The following ADIG variants were observed in gnomAD, a reference collection of about 807,000 sequenced individuals.
ADIG encodes the protein adipogenin.
In ADIG, 12 loss-of-function variants were observed where a neutral mutation model predicts 10.7. The ratio of observed to expected loss-of-function variants is 1.12; its 90% CI spans 0.72 to 1.82. The LOEUF (loss-of-function observed/expected upper bound fraction) is 1.82. Among genes scored for constraint, ADIG ranks in the 40% most tolerant of loss-of-function variants. The probability of loss-of-function intolerance (pLI) is 0.00; values close to 1 mark genes in which losing one functional copy is unlikely to be tolerated. For synonymous variants in ADIG, 32 were observed against 35.6 expected (o/e 0.90, Z 0.36); for missense variants, 72 against 92.5 (o/e 0.78, Z 0.91).
chr20:38,588,030 G>A (rs894689781), intron 2 of ADIG, 71 bp from the exon 3 acceptor site: 85 of 1,232,748 alleles, frequency 6.9e-5, no homozygotes, highest in Admixed American at 9.0e-5. Context: ...GAACCACCAC[G>A]TCTGGCCTTA....
At chr20:38,584,384 G>A (rs1391784044) in intron 1 of ADIG, among the ~76,000 whole-genome samples, 1 of 152,204 alleles carries the variant, frequency 6.6e-6, no homozygotes, top group Non-Finnish European at 1.5e-5. Context: ...TTTTCCTTTT[G>A]CGATTTGAAA....
chr20:38,588,149 G>A lies in ADIG; in HGVS notation c.*63G>A. ...GGCAGTGGCAATGGCAGAAGTGGAT[G>A]GGAGAGACTTGCCAGGGAGGCAAGA... On this transcript the variant is annotated 3_prime_UTR_variant, in exon 3 of 3. Transcript: ENST00000537425. 7.7e-7 allele frequency: 1 copy of A among 1,304,988 alleles called. No homozygotes were observed. The highest frequency in any genetic ancestry group is 1.0e-6 in the Non-Finnish European group (1 of 988,896). The allele number at this position is 1,304,988 out of a possible 1,614,324, so 80.8% of individuals were successfully genotyped here.
chr20:38,587,310 T>C (rs1445680120), intron 2 of ADIG, among the ~76,000 whole-genome samples: 1 of 152,294 alleles, frequency 6.6e-6, no homozygotes, highest in East Asian at 1.9e-4. Context: ...CCCCCGACCC[T>C]GTCTGAGTGG....
Position 38,588,369 on chromosome 20 carries a change from C to G in ADIG, c.*283C>G. 7.7e-7 allele frequency: 1 copy of G among 1,294,508 alleles called. No homozygotes were observed. The allele number at this position is 1,294,508 out of a possible 1,614,324, so 80.2% of individuals were successfully genotyped here. ...TGGGGAGAAATTGGCCAATTTAATT[C>G]AGAGGGGTCTTAAAGCAGGGCTGGG... is the stretch of plus-strand genomic sequence containing the variant. On this transcript the variant is annotated 3_prime_UTR_variant, in exon 3 of 3. Coordinates refer to ENST00000537425, the MANE Select transcript of ADIG (RefSeq NM_001393816.1).
intron 1 of ADIG, among the ~76,000 whole-genome samples, chr20:38,584,622 A>G (rs1460096964): frequency 6.6e-6 from 1 of 152,232 alleles, no homozygotes; most frequent in African/African-American, 2.4e-5. Context: ...AAGTGATTTC[A>G]CCATCCTCAT....
At chr20:38,581,787 C>T (rs933751401) in intron 1 of ADIG, among the ~76,000 whole-genome samples, 2 of 152,228 alleles carry the variant, frequency 1.3e-5, no homozygotes, top group Admixed American at 6.5e-5. Flanking sequence ...CAGCCCCGCT[C>T]ACCCTCTCAA....
intron 1 of ADIG, chr20:38,585,551 C>A (rs1043967201): frequency 1.3e-6 from 2 of 1,548,076 alleles, no homozygotes; most frequent in African/African-American, 2.7e-5. Context: ...AGCTTAGTCA[C>A]CCAGATCTCT....
chr20:38,583,519 G>A (rs2088606905), intron 1 of ADIG, among the ~76,000 whole-genome samples: 1 of 152,216 alleles, frequency 6.6e-6, no homozygotes, highest in South Asian at 2.1e-4. Context: ...CACACAGTAC[G>A]CATACACACC....
chr20:38,582,654 T>C (rs1338587500), intron 1 of ADIG, among the ~76,000 whole-genome samples: 1 of 152,182 alleles, frequency 6.6e-6, no homozygotes, highest in Admixed American at 6.5e-5. Context: ...TTATTTAAAG[T>C]ATATTCTCCT....
At chr20:38,586,555 C>T (rs2088638866) in intron 2 of ADIG, among the ~76,000 whole-genome samples, 2 of 152,214 alleles carry the variant, frequency 1.3e-5, no homozygotes, top group South Asian at 2.1e-4. Flanking sequence ...GATATTGAAG[C>T]CCCCACCCTA....
In ADIG at chr20:38,588,265, C is replaced by T; in HGVS notation, c.*179C>T. On this transcript the variant is annotated 3_prime_UTR_variant, in exon 3 of 3. Coordinates refer to ENST00000537425, the MANE Select transcript of ADIG (RefSeq NM_001393816.1). ...AAAGCCTCCAGAGGTCCCAGCCCTT[C>T]TCCAGCATCACAGATGACCTCCAGC... is the stretch of plus-strand genomic sequence containing the variant. The T allele has an allele frequency of 7.7e-7, 1 of 1,304,332 alleles. No individual in the cohort carries two copies. Among genetic ancestry groups the T allele is most frequent in the Non-Finnish European group, 1.0e-6 (1 of 988,960 alleles). 80.8% of individuals were successfully genotyped at this position (1,304,332 alleles called of 1,614,324 possible). A position where few individuals can be genotyped will look rare whatever the true frequency, so the allele number is the denominator to read the frequency against.
At chr20:38,585,413 A>G in intron 1 of ADIG, 1 of 1,549,240 alleles carries the variant, frequency 6.5e-7, no homozygotes, top group Non-Finnish European at 8.7e-7. Context: ...TTTCTTTTTA[A>G]TTTGCTTATA....
At chr20:38,587,755 T>C (rs1426728845) in intron 2 of ADIG, among the ~76,000 whole-genome samples, 1 of 123,398 alleles carries the variant, frequency 8.1e-6, no homozygotes, top group African/African-American at 2.7e-5. Flanking sequence ...TTTTTTTTTT[T>C]GAGACGGAGT....
intron 1 of ADIG, 38 bp from the exon 2 acceptor site, chr20:38,585,991 T>A (rs772702471): frequency 6.4e-7 from 1 of 1,557,344 alleles, no homozygotes; most frequent in Non-Finnish European, 8.7e-7. Context: ...GGAGACAGGA[T>A]GTGACCATCC....
chr20:38,581,295 T>C lies in ADIG; in HGVS notation c.45T>C (p.Ser15=), dbSNP rs1417338650. Residue 15 remains serine, a synonymous_variant, in exon 1 of 3, where the codon TCT becomes TCC. Coordinates refer to ENST00000537425, the MANE Select transcript of ADIG (RefSeq NM_001393816.1). ...CGCTGGTGAACGACCTCACATTTTCTTTCCTGGTTTTCTGGTTCTGCCTCC... is the reference window on the plus strand; with the variant it reads ...CGCTGGTGAACGACCTCACATTTTCCTTCCTGGTTTTCTGGTTCTGCCTCC... ...LMPLVNDLTF[S]FLVFWFCLPV... 1 of 1,613,856 alleles carries C rather than the reference T, an allele frequency of 6.2e-7. No homozygotes were observed. The highest frequency in any genetic ancestry group is 1.3e-5 in the African/African-American group (1 of 74,942).
rs543832057 is a variant in ADIG at position 38,583,756 on chromosome 20, G to A, written c.125-2273G>A. Among the ~76,000 whole-genome samples, 21 of 152,274 alleles carry A rather than the reference G, an allele frequency of 1.4e-4. 1 individual carries two copies. Among genetic ancestry groups the A allele is most frequent in the Admixed American group, 3.3e-4 (5 of 15,304 alleles). On this transcript the variant is annotated intron_variant, in intron 1 of 2. Coordinates refer to ENST00000537425, the MANE Select transcript of ADIG (RefSeq NM_001393816.1). ...CAACCTACCCCACTCCAACCCCTCC[G>A]CAGACTTTCTCCTGAGAGGCTGTTT...
intron 1 of ADIG, among the ~76,000 whole-genome samples, chr20:38,583,693 A>G (rs1257127795): frequency 9.9e-5 from 15 of 152,192 alleles, no homozygotes; most frequent in Non-Finnish European, 5.9e-5. Flanking sequence ...CTCCTCCAGC[A>G]TTCACTCTGC....
At chr20:38,585,272 C>T (rs2088626178) in intron 1 of ADIG, among the ~76,000 whole-genome samples, 2 of 152,176 alleles carry the variant, frequency 1.3e-5, no homozygotes, top group South Asian at 4.1e-4. Context: ...AATAATCTTC[C>T]CCATCCCTCT....
In ADIG at chr20:38,583,842, G is replaced by A. The variant is rs536380059; in HGVS notation, c.125-2187G>A. 1.3e-3 allele frequency among the ~76,000 whole-genome samples: 205 copies of A among 152,282 alleles called. 4 individuals carry two copies. The highest frequency in any genetic ancestry group is 7.7e-4 in the East Asian group (4 of 5,184). On this transcript the variant is annotated intron_variant, in intron 1 of 2. Coordinates refer to ENST00000537425, the MANE Select transcript of ADIG (RefSeq NM_001393816.1). ...GTTAATTTTGCAACGAAGAGAAACCGTCCTTAAAGTGAGGTGGGCATTCCT... is the reference window on the plus strand; with the variant it reads ...GTTAATTTTGCAACGAAGAGAAACCATCCTTAAAGTGAGGTGGGCATTCCT...
Sources: gnomAD v4.1 joint callset for allele counts (sites outside exome capture counted in the v4.1 genomes callset) on GRCh38, gnomAD v4.1.1 for gene constraint, MANE v1.5 for transcripts, NCBI Gene and HGNC (gene_info 2026-07-23, HGNC 2026-07-21) for gene names.